ADGRG4: variants seen among roughly 807,000 people sequenced by gnomAD.
ADGRG4 encodes G protein-coupled receptor 112.
ADGRG4 carries 122 observed loss-of-function variants against 126.2 expected under a neutral mutation model. That is an observed-to-expected ratio of 0.97 (90% CI 0.83 to 1.12). The LOEUF (loss-of-function observed/expected upper bound fraction) is 1.12, where lower values mean the gene tolerates loss of function less well. Ranked by LOEUF, ADGRG4 falls within the 50% of genes most tolerant of loss-of-function variation. The probability of loss-of-function intolerance (pLI) is 0.00; values close to 1 mark genes in which losing one functional copy is unlikely to be tolerated. For missense variants in ADGRG4, 2,481 were observed against 2,251.8 expected, an observed-to-expected ratio of 1.10 and a Z score of -2.06; for synonymous variants, 943 against 838.7, an observed-to-expected ratio of 1.12 and a Z score of -2.15.
intron 3 of ADGRG4, among the ~76,000 whole-genome samples, chrX:136,307,593 T>C (rs2074742160): frequency 8.9e-6 from 1 of 112,634 alleles, no homozygotes; most frequent in Admixed American, 9.4e-5. Flanking sequence ...AAGCTCAAGA[T>C]TCATTTGACT....
chrX:136,399,450 A>G (rs1166504133), intron 20 of ADGRG4, among the ~76,000 whole-genome samples: 1 of 111,198 alleles, frequency 9.0e-6, no homozygotes, highest in Non-Finnish European at 1.9e-5. Context: ...CCATGAGGCC[A>G]TATATCGGGA....
At chrX:136,381,758 G>A (rs150776869) in intron 15 of ADGRG4, among the ~76,000 whole-genome samples, 1,755 of 110,445 alleles carry the variant, frequency 0.016, 30 homozygotes, top group African/African-American at 0.054. Flanking sequence ...TGATCACAAG[G>A]TCCCACAATA....
At chrX:136,308,670 C>A in intron 3 of ADGRG4, 99 bp from the exon 4 acceptor site, 1 of 551,161 alleles carries the variant, frequency 1.8e-6, no homozygotes. Flanking sequence ...AGGAAAAAAC[C>A]CTTAGGTGGT....
At chrX:136,342,160 G>C (rs976194349) in intron 5 of ADGRG4, among the ~76,000 whole-genome samples, 4 of 111,456 alleles carry the variant, frequency 3.6e-5, no homozygotes, top group African/African-American at 9.8e-5. Context: ...ACTATTCTCC[G>C]AGTTGCCCAG....
chrX:136,347,293 T>C lies in ADGRG4; in HGVS notation c.3587T>C (p.Val1196Ala), dbSNP rs779489071. ...CCATATACTTTCAGTGGTGGTGGAG[T>C]TGTTGCCAGCTTGGCTACTGGCACC... ...SFPYTFSGGGVVASLATGTTE... is the reference protein window; with the variant it reads ...SFPYTFSGGGAVASLATGTTE... The change falls in exon 6 of 26, where the codon GTT (valine) becomes GCT (alanine). Residue 1196 changes from valine to alanine, a missense_variant. Transcript: ENST00000394143. 1.7e-6 allele frequency: 2 copies of C among 1,209,223 alleles called. No individual in the cohort carries two copies. Among genetic ancestry groups the C allele is most frequent in the African/African-American group, 3.5e-5 (2 of 57,048 alleles).
rs990942649 is a variant in ADGRG4 at position 136,412,196 on chromosome X, C to T, written c.8936-69C>T. 17 of 689,512 alleles carry T rather than the reference C, an allele frequency of 2.5e-5. No individual in the cohort carries two copies. The African/African-American group carries it at 2.7e-4, about 11-fold the overall frequency. The allele number at this position is 689,512 out of a possible 1,213,427, so 56.8% of individuals were successfully genotyped here. A position where few individuals can be genotyped will look rare whatever the true frequency, so the allele number is the denominator to read the frequency against. ...AGTATCTCTCATGACAGAAGCAGGC[C>T]TGAGTCAGGGCATTGGTGACAGCTG... On this transcript the variant is annotated intron_variant, in intron 23 of 25. Transcript: ENST00000394143.
intron 23 of ADGRG4, among the ~76,000 whole-genome samples, chrX:136,410,786 G>A (rs192482460): frequency 8.1e-5 from 9 of 111,321 alleles, no homozygotes; most frequent in African/African-American, 1.6e-4. Flanking sequence ...AACATATCTC[G>A]GCCCTCAAAG....
chrX:136,356,715 G>A lies in ADGRG4; in HGVS notation c.6927+550G>A, dbSNP rs555619310. The stretch of plus-strand genomic sequence containing the variant: ...GAATACAATCAAGCCCACAGTACAG[G>A]GGCCAGAAGCAGTGACTCACACCTG... On this transcript the variant is annotated intron_variant, in intron 9 of 25. Coordinates refer to ENST00000394143, the MANE Select transcript of ADGRG4 (RefSeq NM_153834.4). Among the ~76,000 whole-genome samples, 16 of 112,239 alleles carry A rather than the reference G, an allele frequency of 1.4e-4. No individual in the cohort carries two copies. The South Asian group carries it at 6.0e-3, about 42-fold the overall frequency.
intron 15 of ADGRG4, among the ~76,000 whole-genome samples, chrX:136,382,257 C>T (rs767909402): frequency 1.6e-3 from 182 of 111,721 alleles, no homozygotes; most frequent in Non-Finnish European, 2.8e-3. Flanking sequence ...AACACAAATA[C>T]TATTACATAA....
At position 136,320,244 on chromosome X, in the gene ADGRG4, T is replaced by C. The variant is rs538414282; in HGVS notation, c.71-2534T>C. On this transcript the variant is annotated intron_variant, in intron 4 of 25. Transcript: ENST00000394143. The stretch of plus-strand genomic sequence containing the variant: ...ATAAACAATGTGGCAATAAATATCA[T>C]TGTACTCTCATCTTTGTCTATCTGT... Among the ~76,000 whole-genome samples, 10 of 112,469 alleles carry C rather than the reference T, an allele frequency of 8.9e-5. No individual in the cohort carries two copies. The South Asian group carries it at 1.5e-3, about 17-fold the overall frequency.
chrX:136,359,394 C>T lies in ADGRG4; in HGVS notation c.7083C>T (p.Asn2361=). 1 of 1,208,687 alleles carries T rather than the reference C, an allele frequency of 8.3e-7. No individual in the cohort carries two copies. The highest frequency in any genetic ancestry group is 1.1e-6 in the Non-Finnish European group (1 of 893,614). The change falls in exon 11 of 26, where the codon AAC becomes AAT. Residue 2361 remains asparagine, a synonymous_variant. Coordinates refer to ENST00000394143, the MANE Select transcript of ADGRG4 (RefSeq NM_153834.4). ...SKIHGNFTHG[N]FTQDQLTLLV... ...TACATGGCAACTTCACACATGGAAACTTCACACAAGATCAATTGACGTTAT... is the reference window on the plus strand; with the variant it reads ...TACATGGCAACTTCACACATGGAAATTTCACACAAGATCAATTGACGTTAT...
chrX:136,412,304 G>A lies in ADGRG4; in HGVS notation c.8975G>A (p.Ser2992Asn), dbSNP rs1025639772. 13 of 1,201,918 alleles carry A rather than the reference G, an allele frequency of 1.1e-5. No homozygotes were observed. In the Admixed American group the frequency reaches 1.1e-4, roughly 10 times the overall value. The part of the protein sequence containing the change: ...IFVFHCVMKE[S>N]VREQWQIHLC... ...GTGTTTCACTGTGTGATGAAGGAGA[G>A]TGTGCGGGAGCAGTGGCAGATACAC... Residue 2992 changes from serine (S) to asparagine (N), a missense_variant, in exon 24 of 26, where the codon AGT (serine) becomes AAT (asparagine). By Grantham distance (46) the Ser-to-Asn change is conservative. Coordinates refer to ENST00000394143, the MANE Select transcript of ADGRG4 (RefSeq NM_153834.4).
intron 4 of ADGRG4, among the ~76,000 whole-genome samples, chrX:136,320,242 C>A (rs756759585): frequency 8.9e-6 from 1 of 112,262 alleles, no homozygotes; most frequent in South Asian, 3.7e-4. Context: ...CAATAAATAT[C>A]ATTGTACTCT....
intron 15 of ADGRG4, among the ~76,000 whole-genome samples, chrX:136,374,068 T>C (rs2075210960): frequency 2.7e-5 from 3 of 112,219 alleles, no homozygotes; most frequent in Admixed American, 9.4e-5. Context: ...ACTGTTCTTA[T>C]ATTTTTCTGC....
chrX:136,403,290 T>G lies in ADGRG4; in HGVS notation c.8622T>G (p.Asp2874Glu), dbSNP rs369761722. 9.9e-6 allele frequency: 12 copies of G among 1,208,204 alleles called. No homozygotes were observed. Among genetic ancestry groups the G allele is most frequent in the Middle Eastern group, 2.3e-4 (1 of 4,370 alleles). The change falls in exon 22 of 26, where the codon GAT (aspartate) becomes GAG (glutamate). Residue 2874 changes from aspartate to glutamate, a missense_variant. By Grantham distance (45) the Asp-to-Glu change is conservative. Transcript: ENST00000394143. ...CAATCACAGTCAGTGTGAAAAAAGATCTGTATGGAACTCTGAGCCCAACAA... is the reference window on the plus strand; with the variant it reads ...CAATCACAGTCAGTGTGAAAAAAGAGCTGTATGGAACTCTGAGCCCAACAA... ...MVAITVSVKK[D>E]LYGTLSPTTP... is the part of the protein sequence containing the mutation.
intron 5 of ADGRG4, among the ~76,000 whole-genome samples, chrX:136,342,934 G>GAGAGA (rs752696665): frequency 9.7e-6 from 1 of 103,203 alleles, no homozygotes; most frequent in Admixed American, 1.1e-4. Context: ...GAGAGAGAGA[G>GAGAGA]GAAGGGGATC....
Position 136,354,528 on chromosome X carries a change from TC to T in ADGRG4, c.6887+1132del, listed in dbSNP as rs746044289. Among the ~76,000 whole-genome samples, 25 of 111,611 alleles carry T rather than the reference TC, an allele frequency of 2.2e-4. No individual in the cohort carries two copies. The Middle Eastern group carries it at 0.023, about 102-fold the overall frequency. On this transcript the variant is annotated intron_variant, in intron 8 of 25. Coordinates refer to ENST00000394143, the MANE Select transcript of ADGRG4 (RefSeq NM_153834.4). ...TCTACGACCAAACGTGTGGGGATTT[TC>T]CCCCAACACACCAAGCAGCTGACAC...
chrX:136,398,265 A>C (rs2075361467), intron 20 of ADGRG4, among the ~76,000 whole-genome samples: 1 of 112,359 alleles, frequency 8.9e-6, no homozygotes, highest in Admixed American at 9.4e-5. Flanking sequence ...AATTTGATAA[A>C]GTGGACTTTA....
chrX:136,389,822 G>A (rs2075310186), intron 16 of ADGRG4, among the ~76,000 whole-genome samples: 1 of 111,995 alleles, frequency 8.9e-6, no homozygotes, highest in South Asian at 3.7e-4. Context: ...CTTCCAGTCT[G>A]CTGGAGGGGA....
Sources: gnomAD v4.1 joint callset for allele counts (sites outside exome capture counted in the v4.1 genomes callset) on GRCh38, gnomAD v4.1.1 for gene constraint, MANE v1.5 for transcripts, NCBI Gene and HGNC (gene_info 2026-07-23, HGNC 2026-07-21) for gene names.